Variants in KIF26B observed in about 807,000 individuals in gnomAD.
The protein encoded by KIF26B is kinesin family member 26B, also known as kinesin-like protein KIF26B.
KIF26B carries 63 observed loss-of-function variants against 151.2 expected under a neutral mutation model. The observed-to-expected ratio is 0.42, with a 90% CI of 0.34 to 0.51. The LOEUF (loss-of-function observed/expected upper bound fraction) is 0.51, where lower values mean the gene tolerates loss of function less well. Among genes scored for constraint, KIF26B ranks in the 20% least tolerant of loss-of-function variants. The probability of loss-of-function intolerance (pLI) is 0.07; values close to 1 mark genes in which losing one functional copy is unlikely to be tolerated. For missense variants in KIF26B, 2,813 were observed against 2,913.6 expected (o/e 0.97, Z 0.79); for synonymous variants, 1,357 against 1,262.1 (o/e 1.08, Z -1.59).
intron 4 of KIF26B, among the ~76,000 whole-genome samples, chr1:245,454,779 T>C (rs1659476382): frequency 6.6e-6 from 1 of 152,202 alleles, no homozygotes; most frequent in South Asian, 2.1e-4. Flanking sequence ...CCATTTTTTT[T>C]CTTTCTCCTT....
At chr1:245,423,214 G>T (rs1424624917) in intron 4 of KIF26B, among the ~76,000 whole-genome samples, 1 of 152,224 alleles carries the variant, frequency 6.6e-6, no homozygotes, top group Non-Finnish European at 1.5e-5. Context: ...TGTGGCTGAC[G>T]TATATTGAGC....
At chr1:245,438,681 AC>A (rs1333832194) in intron 4 of KIF26B, among the ~76,000 whole-genome samples, 3 of 152,356 alleles carry the variant, frequency 2.0e-5, no homozygotes, top group East Asian at 1.9e-4. Context: ...GACAAAAAAA[AC>A]ATGGATGTCC....
chr1:245,660,257 C>T (rs916545812), intron 10 of KIF26B, among the ~76,000 whole-genome samples: 2 of 150,534 alleles, frequency 1.3e-5, no homozygotes, highest in South Asian at 2.1e-4. Flanking sequence ...ATGGATTTGG[C>T]GCTGGTGTCG....
rs369302088 is a variant in KIF26B, at chr1:245,367,430, A to T, written c.999+63A>T. On this transcript the variant is annotated intron_variant, in intron 3 of 14. Coordinates refer to ENST00000407071, the MANE Select transcript of KIF26B (RefSeq NM_018012.4). The surrounding 1 kb of genome is among the most constrained non-coding windows in gnomAD (Gnocchi z 4.2). ...CTGGAGTCAAAGCGGAGAAGTAGGC[A>T]GCACTTCCTTCCGCTGCCTCCTCCC... 4.5e-5 allele frequency: 64 copies of T among 1,417,258 alleles called. No homozygotes were observed. In the South Asian group the frequency reaches 7.5e-4, roughly 17 times the overall value. 87.8% of individuals were successfully genotyped at this position (1,417,258 alleles called of 1,614,324 possible). A position where few individuals can be genotyped will look rare whatever the true frequency, so the allele number is the denominator to read the frequency against.
intron 4 of KIF26B, among the ~76,000 whole-genome samples, chr1:245,519,587 G>T (rs1420936362): frequency 6.6e-6 from 1 of 151,798 alleles, no homozygotes; most frequent in Non-Finnish European, 1.5e-5. Flanking sequence ...ATTAAGTATA[G>T]TCATGTGTCA....
At chr1:245,299,317 TG>T (rs1293517655) in intron 2 of KIF26B, among the ~76,000 whole-genome samples, 27 of 136,202 alleles carry the variant, frequency 2.0e-4, no homozygotes, top group South Asian at 4.8e-4. Context: ...CATCCAATTC[TG>T]GGTTTTTTTT....
rs368879318 is a variant in KIF26B at position 245,704,884 on chromosome 1, C to A, written c.*2278C>A. The A allele has an allele frequency of 3.3e-5, 5 of 152,058 alleles. No homozygotes were observed. In the East Asian group the frequency reaches 7.7e-4, roughly 24 times the overall value. The allele number at this position is 152,058 out of a possible 1,614,324, so 9.4% of individuals were successfully genotyped here. On this transcript the variant is annotated 3_prime_UTR_variant, in exon 15 of 15. Transcript: ENST00000407071. Reference sequence around the variant, plus strand: ...TGAAAAGTCTTTAATTGGAGATTTTCAAAGGTGAATATTCTGTTTTTGTTG... The same window carrying A: ...TGAAAAGTCTTTAATTGGAGATTTTAAAAGGTGAATATTCTGTTTTTGTTG...
At chr1:245,223,384 A>T (rs545405469) in intron 2 of KIF26B, among the ~76,000 whole-genome samples, 151 of 152,370 alleles carry the variant, frequency 9.9e-4, no homozygotes, top group African/African-American at 3.5e-3. Context: ...TGAAATGCAG[A>T]AGTCTTAAGG....
intron 4 of KIF26B, among the ~76,000 whole-genome samples, chr1:245,529,974 T>C (rs1261773657): frequency 6.6e-6 from 1 of 151,728 alleles, no homozygotes; most frequent in Non-Finnish European, 1.5e-5. Context: ...AACAACTCTA[T>C]GGAAAAAAAA....
At position 245,362,613 on chromosome 1, in the gene KIF26B, A is replaced by T. The variant is rs182040049; in HGVS notation, c.466-4221A>T. ...TGTTGGGAGTATCCTTCAATTTCAG[A>T]TGCTTAAATTCTCCTCTCTGACAAT... On this transcript the variant is annotated intron_variant, in intron 2 of 14. Transcript: ENST00000407071. 1.2e-3 allele frequency among the ~76,000 whole-genome samples: 178 copies of T among 152,022 alleles called. 1 individual carries two copies. The highest frequency in any genetic ancestry group is 2.0e-3 in the Non-Finnish European group (136 of 67,974).
intron 4 of KIF26B, among the ~76,000 whole-genome samples, chr1:245,511,892 G>A (rs747468130): frequency 1.3e-5 from 2 of 152,104 alleles, no homozygotes; most frequent in African/African-American, 4.8e-5. Context: ...AGAAAGGAAC[G>A]GCTATTTAAA....
intron 10 of KIF26B, among the ~76,000 whole-genome samples, chr1:245,666,362 A>G (rs1465370241): frequency 6.6e-6 from 1 of 152,202 alleles, no homozygotes; most frequent in Non-Finnish European, 1.5e-5. Flanking sequence ...AGTAATAACT[A>G]CTTGTATTTT....
chr1:245,158,309 T>A (rs773610121), intron 2 of KIF26B, among the ~76,000 whole-genome samples: 8 of 151,986 alleles, frequency 5.3e-5, no homozygotes, highest in Admixed American at 2.6e-4. Context: ...GGAAGGAAAA[T>A]CTACAGAGGA....
intron 2 of KIF26B, among the ~76,000 whole-genome samples, chr1:245,219,996 G>T (rs1395687557): frequency 6.6e-6 from 1 of 152,100 alleles, no homozygotes; most frequent in African/African-American, 2.4e-5. Context: ...TTCTTCCCTT[G>T]CCTTCATAGG....
chr1:245,156,482 C>G lies in KIF26B; in HGVS notation c.264C>G (p.Ala88=), dbSNP rs958233804. 4 of 1,526,296 alleles carry G rather than the reference C, an allele frequency of 2.6e-6. No individual in the cohort carries two copies. In the Admixed American group the frequency reaches 7.9e-5, roughly 30 times the overall value. 94.5% of individuals were successfully genotyped at this position (1,526,296 alleles called of 1,614,324 possible). A position where few individuals can be genotyped will look rare whatever the true frequency, so the allele number is the denominator to read the frequency against. The change falls in exon 2 of 15, where the codon GCC becomes GCG. Residue 88 remains alanine, a synonymous_variant. Coordinates refer to ENST00000407071, the MANE Select transcript of KIF26B (RefSeq NM_018012.4). The part of the protein sequence containing the change: ...PSSFTGSPGP[A]SPGIGTSSPG... ...CGTTCACCGGCTCCCCGGGACCCGC[C>G]TCCCCCGGCATCGGCACTAGTTCGC...
At chr1:245,674,670 A>T (rs1164907387) in intron 10 of KIF26B, among the ~76,000 whole-genome samples, 1 of 152,224 alleles carries the variant, frequency 6.6e-6, no homozygotes, top group East Asian at 1.9e-4. Context: ...ATTATGCTAC[A>T]TTGAATAAAA....
At chr1:245,401,925 C>A (rs895930975) in intron 3 of KIF26B, among the ~76,000 whole-genome samples, 26 of 151,592 alleles carry the variant, frequency 1.7e-4, no homozygotes, top group African/African-American at 3.7e-4. Context: ...CCAAAAAAAA[C>A]CCCCGAAACA....
intron 4 of KIF26B, among the ~76,000 whole-genome samples, chr1:245,487,298 G>A (rs1378278980): frequency 6.6e-6 from 1 of 152,138 alleles, no homozygotes; most frequent in Non-Finnish European, 1.5e-5. Flanking sequence ...GTCATCTCCA[G>A]GACCAACTAT....
rs1260463207 is a variant in KIF26B, at chr1:245,318,156, C to A, written c.466-48678C>A. On this transcript the variant is annotated intron_variant, in intron 2 of 14. Transcript: ENST00000407071. The surrounding 1 kb of genome is among the most constrained non-coding windows in gnomAD (Gnocchi z 4.0). ...AGAACTCTGAGGAGATCTAGGAGAT[C>A]CCTAAGTATATTAGGTTTTAATTCT... Among the ~76,000 whole-genome samples, 2 of 152,146 alleles carry A rather than the reference C, an allele frequency of 1.3e-5. No homozygotes were observed. Among genetic ancestry groups the A allele is most frequent in the Admixed American group, 6.5e-5 (1 of 15,274 alleles).
Sources: allele counts gnomAD v4.1 joint callset (sites outside exome capture counted in the v4.1 genomes callset), GRCh38; gene constraint gnomAD v4.1.1; non-coding constraint Gnocchi (gnomAD v3.1); transcripts MANE v1.5; gene names NCBI Gene and HGNC (gene_info 2026-07-23, HGNC 2026-07-21).